The following EIPR1 variants were observed in gnomAD, a reference collection of about 807,000 sequenced individuals.
The protein encoded by EIPR1 is EARP complex and GARP complex interacting protein 1.
A neutral mutation model predicts 48.1 loss-of-function variants in EIPR1; 25 were observed. The observed-to-expected ratio is 0.52, with a 90% CI of 0.38 to 0.73. The LOEUF is 0.73. EIPR1 is among the 30% of genes least tolerant of loss of function. The pLI, the probability that EIPR1 is intolerant of heterozygous loss-of-function variation, is 0.00. For synonymous variants in EIPR1, 204 were observed against 201.9 expected (o/e 1.01, Z -0.09); for missense variants, 415 against 506.2 (o/e 0.82, Z 1.73).
intron 3 of EIPR1, among the ~76,000 whole-genome samples, chr2:3,332,494 G>C (rs540241755): frequency 6.6e-6 from 1 of 152,346 alleles, no homozygotes; most frequent in Admixed American, 6.5e-5. Flanking sequence ...GTTATTTGCT[G>C]TGTGTGGAGG....
intron 8 of EIPR1, among the ~76,000 whole-genome samples, chr2:3,190,647 C>T (rs925060670): frequency 9.9e-5 from 15 of 152,162 alleles, no homozygotes; most frequent in Non-Finnish European, 1.8e-4. Context: ...TCAGGCTCCT[C>T]CCCTAACAGG....
At chr2:3,305,114 C>A (rs1334751669) in intron 3 of EIPR1, among the ~76,000 whole-genome samples, 2 of 146,464 alleles carry the variant, frequency 1.4e-5, no homozygotes, top group Non-Finnish European at 1.5e-5. Context: ...GCCCTCCACT[C>A]CCGTCCAGTT....
chr2:3,293,171 G>A (rs924542323), intron 3 of EIPR1, among the ~76,000 whole-genome samples: 24 of 152,188 alleles, frequency 1.6e-4, no homozygotes, highest in Non-Finnish European at 7.4e-5. Flanking sequence ...TGGCTTGCTC[G>A]GTGAGTTGAG....
intron 3 of EIPR1, among the ~76,000 whole-genome samples, chr2:3,327,827 T>C (rs1669745141): frequency 6.6e-6 from 1 of 152,096 alleles, no homozygotes; most frequent in East Asian, 1.9e-4. Context: ...CTCAACTCGT[T>C]TTGTTGTTAA....
At chr2:3,246,433 G>A (rs950056393) in intron 4 of EIPR1, among the ~76,000 whole-genome samples, 12 of 152,016 alleles carry the variant, frequency 7.9e-5, no homozygotes, top group Non-Finnish European at 1.0e-4. Context: ...CCTCAATACC[G>A]CCTTCTGTGC....
chr2:3,309,702 G>A (rs113651088), intron 3 of EIPR1, among the ~76,000 whole-genome samples: 2,760 of 152,284 alleles, frequency 0.018, 37 homozygotes, highest in Non-Finnish European at 0.027. Flanking sequence ...AATGGCCGGC[G>A]CTCGACCAGG....
At chr2:3,251,053 G>A (rs544148881) in intron 4 of EIPR1, among the ~76,000 whole-genome samples, 87 of 152,198 alleles carry the variant, frequency 5.7e-4, no homozygotes, top group African/African-American at 1.8e-3. Flanking sequence ...GAGATATACT[G>A]AAAAATAGTT....
intron 1 of EIPR1, among the ~76,000 whole-genome samples, chr2:3,355,004 A>T (rs900820356): frequency 6.6e-6 from 1 of 152,262 alleles, no homozygotes; most frequent in Admixed American, 6.5e-5. Flanking sequence ...CAGCAATAGC[A>T]GAGTAGGGGG....
chr2:3,208,296 C>G (rs1308071305), intron 5 of EIPR1: 3 of 568,142 alleles, frequency 5.3e-6, no homozygotes, highest in Non-Finnish European at 6.0e-6. Flanking sequence ...CCTCACAGAC[C>G]TGAAGGAGGA....
intron 4 of EIPR1, among the ~76,000 whole-genome samples, chr2:3,225,001 G>A (rs1351817936): frequency 2.0e-5 from 3 of 152,184 alleles, no homozygotes; most frequent in Non-Finnish European, 4.4e-5. Context: ...TGTGCCACAG[G>A]TTTTCAATGT....
chr2:3,318,795 C>T (rs997381267), intron 3 of EIPR1: 17 of 461,318 alleles, frequency 3.7e-5, no homozygotes, highest in East Asian at 2.1e-4. Context: ...ACTCCTCGAT[C>T]GCCACACATG....
chr2:3,357,211 G>A (rs564930009), intron 1 of EIPR1, among the ~76,000 whole-genome samples: 3 of 152,274 alleles, frequency 2.0e-5, no homozygotes, highest in South Asian at 2.1e-4. Context: ...CCCACCCCAT[G>A]GAGCGTACTT....
intron 1 of EIPR1, among the ~76,000 whole-genome samples, chr2:3,360,404 C>CAAAAAAAA (rs1386156001): frequency 7.9e-6 from 1 of 127,286 alleles, no homozygotes; most frequent in Non-Finnish European, 1.7e-5. Context: ...GACTCCATCT[C>CAAAAAAAA]AAAAAAAAAA....
intron 4 of EIPR1, among the ~76,000 whole-genome samples, chr2:3,230,469 T>A (rs140876156): frequency 7.0e-4 from 106 of 152,330 alleles, no homozygotes; most frequent in African/African-American, 2.4e-3. Flanking sequence ...ATTTTGACTA[T>A]AATCCACCAC....
chr2:3,366,230 C>T (rs1670971394), intron 1 of EIPR1, among the ~76,000 whole-genome samples: 1 of 152,194 alleles, frequency 6.6e-6, no homozygotes, highest in African/African-American at 2.4e-5. Context: ...ATCGCTTGAA[C>T]CCAGGAGGCA....
intron 3 of EIPR1, among the ~76,000 whole-genome samples, chr2:3,290,752 C>T (rs962067201): frequency 1.3e-5 from 2 of 152,220 alleles, no homozygotes; most frequent in African/African-American, 4.8e-5. Context: ...AGCGCACTTG[C>T]TGTGACAGGA....
intron 2 of EIPR1, 24 bp downstream of exon 2, chr2:3,354,526 T>G: frequency 6.2e-7 from 1 of 1,604,072 alleles, no homozygotes; most frequent in Non-Finnish European, 8.5e-7. Flanking sequence ...AATTATCATG[T>G]ATACATTTGT....
intron 4 of EIPR1, among the ~76,000 whole-genome samples, chr2:3,224,800 G>A (rs4854143): frequency 0.91 from 139,229 of 152,268 alleles, 64,143 homozygotes; most frequent in East Asian, 0.98. Flanking sequence ...CAATGCCACC[G>A]GCAATGCCAC....
chr2:3,338,550 C>A (rs1169012113), intron 2 of EIPR1, among the ~76,000 whole-genome samples: 2 of 152,248 alleles, frequency 1.3e-5, no homozygotes, highest in South Asian at 4.1e-4. Flanking sequence ...GGAGGGCAGG[C>A]GCAGCAGGGC....
Sources: allele counts gnomAD v4.1 joint callset (sites outside exome capture counted in the v4.1 genomes callset), GRCh38; gene constraint gnomAD v4.1.1; transcripts MANE v1.5; gene names NCBI Gene and HGNC (gene_info 2026-07-23, HGNC 2026-07-21).